The following PLXDC2 variants were observed in gnomAD, a reference collection of about 807,000 sequenced individuals.
PLXDC2 encodes plexin domain-containing protein 2.
Under a neutral mutation model 68.9 loss-of-function variants are expected in PLXDC2, and 40 were observed. That is an observed-to-expected ratio of 0.58 (90% CI 0.45 to 0.76). The LOEUF (loss-of-function observed/expected upper bound fraction) is 0.76, where lower values mean the gene tolerates loss of function less well. Among genes scored for constraint, PLXDC2 ranks in the 30% least tolerant of loss-of-function variants. The pLI is 0.00. For missense variants in PLXDC2, 644 were observed against 661.9 expected, an observed-to-expected ratio of 0.97 and a Z score of 0.30; for synonymous variants, 243 against 234.2, an observed-to-expected ratio of 1.04 and a Z score of -0.34.
At chr10:19,998,313 T>G (rs561125544) in intron 1 of PLXDC2, among the ~76,000 whole-genome samples, 1 of 152,334 alleles carries the variant, frequency 6.6e-6, no homozygotes, top group Admixed American at 6.5e-5. Context: ...GTGATTTTTC[T>G]GATTATCCTG....
chr10:20,248,122 T>C (rs1271923585), intron 13 of PLXDC2, among the ~76,000 whole-genome samples: 1 of 152,212 alleles, frequency 6.6e-6, no homozygotes, highest in Non-Finnish European at 1.5e-5. Context: ...CAGTTTATTT[T>C]CTGACATGGT....
intron 1 of PLXDC2, among the ~76,000 whole-genome samples, chr10:19,937,809 G>T (rs1275348714): frequency 1.6e-4 from 24 of 152,092 alleles, no homozygotes; most frequent in Admixed American, 3.9e-4. Flanking sequence ...TTCCTGGTCA[G>T]ATGGACATAT....
At chr10:20,011,053 A>G (rs751495999) in intron 2 of PLXDC2, among the ~76,000 whole-genome samples, 9 of 152,254 alleles carry the variant, frequency 5.9e-5, no homozygotes, top group Non-Finnish European at 7.3e-5. Context: ...ATTATTTTCA[A>G]TATGAAAATT....
At chr10:20,066,226 T>G (rs1235065067) in intron 3 of PLXDC2, among the ~76,000 whole-genome samples, 1 of 152,224 alleles carries the variant, frequency 6.6e-6, no homozygotes, top group African/African-American at 2.4e-5. Flanking sequence ...CATTTGCAAA[T>G]TCCCTTTGAA....
At chr10:20,100,132 A>G (rs1196566537) in intron 4 of PLXDC2, among the ~76,000 whole-genome samples, 1 of 152,178 alleles carries the variant, frequency 6.6e-6, no homozygotes, top group African/African-American at 2.4e-5. Flanking sequence ...CAAACTTTAA[A>G]AGAATCTTAG....
chr10:19,871,075 G>A (rs912378540), intron 1 of PLXDC2, among the ~76,000 whole-genome samples: 2 of 152,212 alleles, frequency 1.3e-5, no homozygotes, highest in African/African-American at 4.8e-5. Context: ...CATCACAAGG[G>A]ATTGTCAGGG....
At chr10:20,020,060 C>T (rs931461265) in intron 2 of PLXDC2, among the ~76,000 whole-genome samples, 3 of 137,816 alleles carry the variant, frequency 2.2e-5, no homozygotes, top group African/African-American at 8.6e-5. Context: ...AGGGCTTGCT[C>T]TGTCTGCTCA....
At chr10:19,839,139 T>C (rs565821078) in intron 1 of PLXDC2, among the ~76,000 whole-genome samples, 346 of 145,142 alleles carry the variant, frequency 2.4e-3, no homozygotes, top group Non-Finnish European at 4.1e-3. Context: ...TGAGCAGAGA[T>C]CCCACCATTG....
At chr10:19,991,955 C>G (rs962775211) in intron 1 of PLXDC2, among the ~76,000 whole-genome samples, 3 of 152,158 alleles carry the variant, frequency 2.0e-5, no homozygotes, top group Non-Finnish European at 2.9e-5. Context: ...TGCAGTGGGA[C>G]TTACCTGTTA....
intron 1 of PLXDC2, among the ~76,000 whole-genome samples, chr10:19,962,864 C>T (rs974545065): frequency 1.3e-5 from 2 of 150,704 alleles, no homozygotes; most frequent in East Asian, 4.0e-4. Context: ...GTGGCTGGTG[C>T]CTGTAGTCCC....
intron 13 of PLXDC2, among the ~76,000 whole-genome samples, chr10:20,258,005 T>C (rs1283063786): frequency 2.8e-5 from 4 of 142,796 alleles, no homozygotes; most frequent in Non-Finnish European, 6.1e-5. Flanking sequence ...TTCTTTTTTT[T>C]TTTTTTTTTT....
intron 12 of PLXDC2, among the ~76,000 whole-genome samples, chr10:20,225,120 T>TGGTC (rs1835268921): frequency 6.6e-6 from 1 of 152,342 alleles, no homozygotes; most frequent in Non-Finnish European, 1.5e-5. Context: ...ATGGAATGGC[T>TGGTC]GGTCTAAATT....
chr10:20,203,019 C>T (rs1371365919), intron 9 of PLXDC2, among the ~76,000 whole-genome samples: 1 of 152,044 alleles, frequency 6.6e-6, no homozygotes. Context: ...TTAATCAGAA[C>T]GATTTCTGAG....
chr10:19,822,210 A>C (rs1836481960), intron 1 of PLXDC2, among the ~76,000 whole-genome samples: 1 of 149,094 alleles, frequency 6.7e-6, no homozygotes, highest in Non-Finnish European at 1.5e-5. Flanking sequence ...CACTATATAT[A>C]ATATATATGC....
chr10:20,007,233 C>G (rs1407756457), intron 2 of PLXDC2, among the ~76,000 whole-genome samples: 1 of 152,182 alleles, frequency 6.6e-6, no homozygotes, highest in Non-Finnish European at 1.5e-5. Context: ...GCATGAAGCT[C>G]TCATAGCAAT....
At chr10:20,265,249 T>C (rs1206045686) in intron 13 of PLXDC2, among the ~76,000 whole-genome samples, 1 of 152,196 alleles carries the variant, frequency 6.6e-6, no homozygotes, top group Non-Finnish European at 1.5e-5. Context: ...CTTTCCGAGA[T>C]GAGCTTCAGA....
intron 4 of PLXDC2, among the ~76,000 whole-genome samples, chr10:20,093,913 G>C (rs191468970): frequency 1.3e-5 from 2 of 151,970 alleles, no homozygotes; most frequent in African/African-American, 4.8e-5. Context: ...GAATTCAGGC[G>C]ATCTGCCGGA....
chr10:20,062,224 G>A lies in PLXDC2; in HGVS notation c.472-5946G>A, dbSNP rs147006682. Among the ~76,000 whole-genome samples the A allele has an allele frequency of 5.4e-3, 824 of 152,310 alleles. 8 individuals are homozygous for A. The highest frequency in any genetic ancestry group is 0.019 in the African/African-American group (783 of 41,574). On this transcript the variant is annotated intron_variant, in intron 3 of 13. Coordinates refer to ENST00000377252, the MANE Select transcript of PLXDC2 (RefSeq NM_032812.9). Reference sequence around the variant, plus strand: ...GCGGATCACGAGGTCAAAAGATCAAGGCCATCCTGGCCAGCATGGTGAAAT... The same window carrying A: ...GCGGATCACGAGGTCAAAAGATCAAAGCCATCCTGGCCAGCATGGTGAAAT...
chr10:20,177,494 G>A (rs1403440747), intron 9 of PLXDC2, 85 bp downstream of exon 9: 15 of 618,092 alleles, frequency 2.4e-5, no homozygotes, highest in Non-Finnish European at 3.4e-5. Flanking sequence ...ATGGACAGGT[G>A]CAGTGGCTCA....
Sources: allele counts gnomAD v4.1 joint callset (sites outside exome capture counted in the v4.1 genomes callset), GRCh38; gene constraint gnomAD v4.1.1; transcripts MANE v1.5; gene names NCBI Gene and HGNC (gene_info 2026-07-23, HGNC 2026-07-21).